Variants in NCSTN observed in about 807,000 individuals in gnomAD.
NCSTN encodes the protein anterior pharynx-defective 2.
In NCSTN, 22 loss-of-function variants were observed where a neutral mutation model predicts 87.0. The observed-to-expected ratio is 0.25, with a 90% CI of 0.18 to 0.36. The LOEUF (loss-of-function observed/expected upper bound fraction) is 0.36, where lower values mean the gene tolerates loss of function less well. NCSTN is among the 10% of genes least tolerant of loss of function. The pLI is 1.00. For missense variants in NCSTN, 693 were observed against 883.3 expected (o/e 0.78, Z 2.73); for synonymous variants, 306 against 327.1 (o/e 0.94, Z 0.69).
intron 1 of NCSTN, chr1:160,343,957 T>C (rs1369023522): frequency 5.0e-6 from 1 of 200,342 alleles, no homozygotes; most frequent in Non-Finnish European, 9.8e-6. Flanking sequence ...GCCTCAGGTT[T>C]TTTTTTTTTT....
chr1:160,344,691 A>G (rs1648353079), intron 1 of NCSTN, 31 bp from the exon 2 acceptor site: 2 of 1,611,236 alleles, frequency 1.2e-6, no homozygotes, highest in Non-Finnish European at 8.5e-7. Flanking sequence ...TGTCTCTCAA[A>G]TTTTTCTAAC....
chr1:160,347,062 A>C (rs1571199501), intron 2 of NCSTN, among the ~76,000 whole-genome samples: 1 of 152,198 alleles, frequency 6.6e-6, no homozygotes, highest in African/African-American at 2.4e-5. Context: ...CTCCTTTGGG[A>C]ATAAGTCATT....
Position 160,357,112 on chromosome 1 carries a change from T to C in NCSTN, c.1866T>C (p.Arg622=). The change falls in exon 16 of 17, where the codon CGT becomes CGC. Residue 622 remains arginine (R), a synonymous_variant. Transcript: ENST00000294785. ...NETDRLPRCV[R]STARLARALS... The stretch of plus-strand genomic sequence containing the variant: ...CGGACCGACTCCCCCGGTGTGTGCG[T>C]TCTACTGCACGATTAGCCAGGGCCT... The C allele has an allele frequency of 1.2e-6, 2 of 1,614,116 alleles. No individual in the cohort carries two copies. The highest frequency in any genetic ancestry group is 1.7e-6 in the Non-Finnish European group (2 of 1,180,030).
intron 14 of NCSTN, 50 bp from the exon 15 acceptor site, chr1:160,356,550 C>A (rs1649137192): frequency 6.2e-7 from 1 of 1,609,468 alleles, no homozygotes; most frequent in Non-Finnish European, 8.5e-7. Context: ...TTTCCTATTT[C>A]ACCCACCATC....
chr1:160,356,485 ATT>A, intron 14 of NCSTN, 113 bp from the exon 15 acceptor site: 1 of 1,471,018 alleles, frequency 6.8e-7, no homozygotes. Flanking sequence ...TTCTTCTCAT[ATT>A]TGATGGATCC....
In NCSTN at chr1:160,356,705, C is replaced by T. The variant is rs1485930779; in HGVS notation, c.1745C>T (p.Thr582Ile). 2 of 1,614,090 alleles carry T rather than the reference C, an allele frequency of 1.2e-6. No individual in the cohort carries two copies. The highest frequency in any genetic ancestry group is 1.3e-5 in the African/African-American group (1 of 74,926). The part of the protein sequence containing the change: ...ANLTGTVVNL[T>I]REQCQDPSKV... Reference sequence around the variant, plus strand: ...TTGACTGGCACAGTGGTCAACCTCACCCGAGAGCAGTGCCAGGATCCAAGT... The same window carrying T: ...TTGACTGGCACAGTGGTCAACCTCATCCGAGAGCAGTGCCAGGATCCAAGT... Residue 582 changes from threonine to isoleucine, a missense_variant, in exon 15 of 17, where the codon ACC (threonine) becomes ATC (isoleucine). By Grantham distance (89) the Thr-to-Ile change is moderately conservative. This residue lies in a region of NCSTN where 216 missense variants were observed against 311.7 expected (regional missense o/e 0.69). Transcript: ENST00000294785.
chr1:160,349,218 C>T (rs935842302), intron 3 of NCSTN, 96 bp downstream of exon 3: 28 of 1,529,024 alleles, frequency 1.8e-5, no homozygotes, highest in Non-Finnish European at 2.5e-5. Flanking sequence ...CCTTGGCTGC[C>T]CTGGTCTGGT....
rs759185792 is a variant in NCSTN, at chr1:160,352,049, C to T, written c.844-5C>T. 3.1e-6 allele frequency: 5 copies of T among 1,614,098 alleles called. No homozygotes were observed. The highest frequency in any genetic ancestry group is 4.2e-6 in the Non-Finnish European group (5 of 1,179,966). The stretch of plus-strand genomic sequence containing the variant: ...ATCCCCTGACTTTTCTTCTGTTGTA[C>T]CTAGCTGGATAGTCGTTCCTTTTTC... On this transcript the variant is annotated splice_region_variant and splice_polypyrimidine_tract_variant and intron_variant, in intron 7 of 16. Coordinates refer to ENST00000294785, the MANE Select transcript of NCSTN (RefSeq NM_015331.3).
At position 160,354,675 on chromosome 1, in the gene NCSTN, A is replaced by G. The variant is rs182012173; in HGVS notation, c.1352+385A>G. ...AGCAGTCCTTCTCTGGAACTCACCC[A>G]GAGGTGCCAGAAACAGTATTCATAC... is the stretch of plus-strand genomic sequence containing the variant. On this transcript the variant is annotated intron_variant, in intron 11 of 16. Coordinates refer to ENST00000294785, the MANE Select transcript of NCSTN (RefSeq NM_015331.3). 1.3e-3 allele frequency among the ~76,000 whole-genome samples: 201 copies of G among 152,316 alleles called. 2 individuals carry two copies. Among genetic ancestry groups the G allele is most frequent in the South Asian group, 8.3e-4 (4 of 4,830 alleles).
At chr1:160,349,371 A>T in intron 3 of NCSTN, 178 bp from the exon 4 acceptor site, 1 of 1,057,488 alleles carries the variant, frequency 9.5e-7, no homozygotes, top group Non-Finnish European at 1.5e-6. Flanking sequence ...CTTACTCACT[A>T]AAGCTCTACT....
In NCSTN at chr1:160,343,486, G is replaced by A; in HGVS notation, c.85+5G>A. On this transcript the variant is annotated splice_donor_5th_base_variant and intron_variant, in intron 1 of 16. Coordinates refer to ENST00000294785, the MANE Select transcript of NCSTN (RefSeq NM_015331.3). ...CTTTCTGCGTCCTACTAGCAGGTGA[G>A]GCCTCCCCGCCCGTGAGCTCCGTTC... 1.2e-6 allele frequency: 2 copies of A among 1,603,940 alleles called. No individual in the cohort carries two copies. Among genetic ancestry groups the A allele is most frequent in the Non-Finnish European group, 1.7e-6 (2 of 1,176,134 alleles).
chr1:160,348,280 A>G (rs114818209), intron 2 of NCSTN, among the ~76,000 whole-genome samples: 2,378 of 152,328 alleles, frequency 0.016, 62 homozygotes, highest in African/African-American at 0.054. Flanking sequence ...TCATGTCATG[A>G]GACACATAGA....
rs1022506597 is a variant in NCSTN at position 160,356,434 on chromosome 1, C to A, written c.1639+87C>A. 345 of 1,441,680 alleles carry A rather than the reference C, an allele frequency of 2.4e-4. 1 individual carries two copies. The highest frequency in any genetic ancestry group is 3.2e-4 in the Non-Finnish European group (335 of 1,031,464). 89.3% of individuals were successfully genotyped at this position (1,441,680 alleles called of 1,614,324 possible). ...TGGTTTAACCTTTATTATTTTTTTT[C>A]TTTTTCCTCTCTGTTTTTCTTACCC... On this transcript the variant is annotated intron_variant, in intron 14 of 16. Transcript: ENST00000294785.
chr1:160,358,142 C>G lies in NCSTN; in HGVS notation c.2008-7C>G, dbSNP rs201887260. 15 of 1,614,012 alleles carry G rather than the reference C, an allele frequency of 9.3e-6. No homozygotes were observed. Among genetic ancestry groups the G allele is most frequent in the African/African-American group, 2.7e-5 (2 of 74,896 alleles). On this transcript the variant is annotated splice_region_variant and splice_polypyrimidine_tract_variant and intron_variant, in intron 16 of 16. Transcript: ENST00000294785. Reference sequence around the variant, plus strand: ...TTTGTCCTTTCCTGCCCTCCCTCCCCCTGCAGTTGATCACCCTGACAGTGG... The same window carrying G: ...TTTGTCCTTTCCTGCCCTCCCTCCCGCTGCAGTTGATCACCCTGACAGTGG...
intron 8 of NCSTN, 103 bp downstream of exon 8, chr1:160,352,309 T>A (rs1365429246): frequency 1.4e-6 from 2 of 1,438,250 alleles, no homozygotes; most frequent in Non-Finnish European, 1.9e-6. Context: ...ACCTAAGTTG[T>A]TAACCAGCAC....
rs539380664 is a variant in NCSTN, at chr1:160,347,798, T to C, written c.191-1201T>C. Among the ~76,000 whole-genome samples the C allele has an allele frequency of 2.2e-4, 33 of 152,342 alleles. No homozygotes were observed. The South Asian group carries it at 6.0e-3, about 28-fold the overall frequency. On this transcript the variant is annotated intron_variant, in intron 2 of 16. Coordinates refer to ENST00000294785, the MANE Select transcript of NCSTN (RefSeq NM_015331.3). ...CTAATTTTTGTATTTTTAGTAGAGA[T>C]GGGGTTTCGCCATGTTGGCCAGGCT... is the stretch of plus-strand genomic sequence containing the variant.
In NCSTN at chr1:160,358,460, C is replaced by G; in HGVS notation, c.*189C>G. 2.8e-6 allele frequency: 2 copies of G among 725,284 alleles called. No homozygotes were observed. Among genetic ancestry groups the G allele is most frequent in the Non-Finnish European group, 4.7e-6 (2 of 425,612 alleles). The allele number at this position is 725,284 out of a possible 1,614,324, so 44.9% of individuals were successfully genotyped here. ...TAAATTGCCTCCCTTCCTCCGCTCC[C>G]CTTTCCCATCACCCCTTCCCCATTT... is the stretch of plus-strand genomic sequence containing the variant. On this transcript the variant is annotated 3_prime_UTR_variant, in exon 17 of 17. Transcript: ENST00000294785.
At chr1:160,344,522 G>A in intron 1 of NCSTN, 200 bp from the exon 2 acceptor site, 1 of 1,548,802 alleles carries the variant, frequency 6.5e-7, no homozygotes, top group African/African-American at 1.4e-5. Flanking sequence ...ACCCTTTGAG[G>A]CACATAGCTG....
chr1:160,353,264 C>G lies in NCSTN; in HGVS notation c.1179+27C>G, dbSNP rs1036850417. 2.5e-6 allele frequency: 4 copies of G among 1,613,946 alleles called. No individual in the cohort carries two copies. In the African/African-American group the frequency reaches 5.3e-5, roughly 22 times the overall value. On this transcript the variant is annotated intron_variant, in intron 10 of 16. Transcript: ENST00000294785. ...TAACCTGAGCATCTCCCCTCATTTC[C>G]TATTCCTACAGCTCAGAATCCAGAC...
Sources: allele counts gnomAD v4.1 joint callset (sites outside exome capture counted in the v4.1 genomes callset), GRCh38; gene constraint gnomAD v4.1.1; regional missense constraint gnomAD v4.1.1; transcripts MANE v1.5; gene names NCBI Gene and HGNC (gene_info 2026-07-23, HGNC 2026-07-21).